Variants in MUC5AC observed in about 807,000 individuals in gnomAD.
MUC5AC encodes mucin 5AC, oligomeric mucus/gel-forming, also known as mucin-5AC.
MUC5AC carries 158 observed loss-of-function variants against 169.7 expected under a neutral mutation model. That is an observed-to-expected ratio of 0.93 (90% CI 0.82 to 1.06). The LOEUF (loss-of-function observed/expected upper bound fraction) is 1.06. MUC5AC is among the 50% of genes least tolerant of loss of function. MUC5AC has a pLI of 0.00. For missense variants in MUC5AC, 4,359 were observed against 3,089.9 expected (o/e 1.41, Z -9.74); for synonymous variants, 1,975 against 1,237.0 (o/e 1.60, Z -12.52).
At chr11:1,164,847 T>A (rs1390674809) in intron 9 of MUC5AC, among the ~76,000 whole-genome samples, 2 of 139,320 alleles carry the variant, frequency 1.4e-5, no homozygotes, top group African/African-American at 5.7e-5. Context: ...TGAGGCTGGC[T>A]GAGGATCCTG....
At chr11:1,162,229 G>A (rs529971293) in intron 4 of MUC5AC, 61 bp downstream of exon 4, 16 of 1,578,298 alleles carry the variant, frequency 1.0e-5, no homozygotes, top group Admixed American at 6.9e-5. Context: ...TTTCCGGGTG[G>A]TTGCGGGGTT....
intron 9 of MUC5AC, among the ~76,000 whole-genome samples, chr11:1,164,846 C>T (rs1450823287): frequency 2.2e-5 from 3 of 135,362 alleles, no homozygotes; most frequent in Admixed American, 7.1e-5. Flanking sequence ...CTGAGGCTGG[C>T]TGAGGATCCT....
chr11:1,182,744 CA>C lies in MUC5AC; in HGVS notation c.4606del (p.Thr1536LeufsTer62). 1 of 398,324 alleles carries C rather than the reference CA, an allele frequency of 2.5e-6. No homozygotes were observed. The highest frequency in any genetic ancestry group is 2.1e-5 in the African/African-American group (1 of 48,674). The allele number at this position is 398,324 out of a possible 1,614,324, so 24.7% of individuals were successfully genotyped here. ...CTGCCCCAGGTACCGCTACCTCTGT[CA>C]AAAAAACTTTCTCAACTCCCAGCCC... ...TPAPGTATSVKKTFSTPSPPP... is the reference protein window; with the variant it reads ...TPAPGTATSVXKTFSTPSPPP... On this transcript the variant is annotated frameshift_variant, in exon 31 of 49. Transcript: ENST00000621226. LOFTEE classifies it high-confidence loss of function.
intron 15 of MUC5AC, 22 bp from the exon 16 acceptor site, chr11:1,172,407 C>G: frequency 2.5e-6 from 1 of 398,682 alleles, no homozygotes; most frequent in Non-Finnish European, 4.4e-6. Flanking sequence ...TAATCCTAAC[C>G]CTATCCCTCC....
At chr11:1,163,086 C>A in intron 6 of MUC5AC, 41 bp downstream of exon 6, 2 of 1,563,404 alleles carry the variant, frequency 1.3e-6, no homozygotes, top group Non-Finnish European at 1.8e-6. Flanking sequence ...CTCAGTGTCC[C>A]CTGGGGGCTC....
At position 1,190,352 on chromosome 11, in the gene MUC5AC, C is replaced by T; in HGVS notation, c.12207C>T (p.Thr4069=). The T allele has an allele frequency of 1.5e-6, 1 of 656,780 alleles. No individual in the cohort carries two copies. Among genetic ancestry groups the T allele is most frequent in the South Asian group, 1.7e-5 (1 of 58,780 alleles). 40.7% of individuals were successfully genotyped at this position (656,780 alleles called of 1,614,324 possible). A position where few individuals can be genotyped will look rare whatever the true frequency, so the allele number is the denominator to read the frequency against. ...VTSTPVTAPS[T]PSGRATSPTQ... is the part of the protein sequence containing the mutation. ...CCACACCTGTGACAGCTCCTAGCAC[C>T]CCTAGTGGGAGAGCCACCAGCCCAA... is the stretch of plus-strand genomic sequence containing the variant. Residue 4069 remains threonine, a synonymous_variant, in exon 31 of 49, where the codon ACC becomes ACT. Coordinates refer to ENST00000621226, the MANE Select transcript of MUC5AC (RefSeq NM_001304359.2).
chr11:1,175,943 GCACA>G (rs1399071116), intron 19 of MUC5AC, among the ~76,000 whole-genome samples: 18 of 121,366 alleles, frequency 1.5e-4, no homozygotes, highest in African/African-American at 3.7e-4. Flanking sequence ...TCATACTCAT[GCACA>G]CACACTCACA....
intron 15 of MUC5AC, 128 bp downstream of exon 15, chr11:1,169,154 G>A: frequency 7.1e-7 from 1 of 1,413,284 alleles, no homozygotes; most frequent in Non-Finnish European, 9.2e-7. Context: ...GCTCACGAAG[G>A]GGCCCAAGGA....
At position 1,161,509 on chromosome 11, in the gene MUC5AC, C is replaced by T; in HGVS notation, c.152-18C>T. ...ACGTGGGGCCGTGCGTGAATCCTAC[C>T]AGCCCCTGTCTCCGCAGGGGTCCCG... On this transcript the variant is annotated intron_variant, in intron 2 of 48. Transcript: ENST00000621226. The T allele has an allele frequency of 6.3e-7, 1 of 1,580,038 alleles. No individual in the cohort carries two copies.
At position 1,184,677 on chromosome 11, in the gene MUC5AC, C is replaced by A; in HGVS notation, c.6532C>A (p.Leu2178Met). The A allele has an allele frequency of 1.5e-6, 1 of 669,894 alleles. No individual in the cohort carries two copies. Among genetic ancestry groups the A allele is most frequent in the Non-Finnish European group, 2.7e-6 (1 of 368,314 alleles). 41.5% of individuals were successfully genotyped at this position (669,894 alleles called of 1,614,324 possible). A position where few individuals can be genotyped will look rare whatever the true frequency, so the allele number is the denominator to read the frequency against. Reference sequence around the variant, plus strand: ...CCACCCAGAGGTGAGCATCGAACACCTGGGCCAGGTGGTGCAGTGCAGCCG... The same window carrying A: ...CCACCCAGAGGTGAGCATCGAACACATGGGCCAGGTGGTGCAGTGCAGCCG... The part of the protein sequence containing the change: ...KSHPEVSIEH[L>M]GQVVQCSREE... The change falls in exon 31 of 49, where the codon CTG becomes ATG. Residue 2178 changes from leucine to methionine, a missense_variant. Leu to Met is a conservative substitution (Grantham distance 15). Coordinates refer to ENST00000621226, the MANE Select transcript of MUC5AC (RefSeq NM_001304359.2).
chr11:1,179,027 C>T (rs1296405304), intron 25 of MUC5AC, 65 bp from the exon 26 acceptor site: 6 of 360,508 alleles, frequency 1.7e-5, no homozygotes, highest in Middle Eastern at 7.8e-4. Flanking sequence ...CAGCATGGGC[C>T]CGGTCCCCAA....
rs779085158 is a variant in MUC5AC, at chr11:1,167,956, G to C, written c.1466G>C (p.Ser489Thr). The change falls in exon 12 of 49, where the codon AGC (serine) becomes ACC (threonine). Residue 489 changes from serine (S) to threonine (T), a missense_variant. Ser to Thr is a moderately conservative substitution (Grantham distance 58). Transcript: ENST00000621226. Reference sequence around the variant, plus strand: ...ACGGACAGCGAGACCTGCCTGAAGAGCGTGACACTGAGCCTGGATGGGGCG... The same window carrying C: ...ACGGACAGCGAGACCTGCCTGAAGACCGTGACACTGAGCCTGGATGGGGCG... ...GLTDSETCLK[S>T]VTLSLDGAQT... 1.9e-6 allele frequency: 3 copies of C among 1,550,732 alleles called. No individual in the cohort carries two copies. In the African/African-American group the frequency reaches 4.1e-5, roughly 21 times the overall value.
rs1466028253 is a variant in MUC5AC, at chr11:1,187,577, T to A, written c.9432T>A (p.Ser3144=). Residue 3144 remains serine, a synonymous_variant, in exon 31 of 49, where the codon TCT becomes TCA. Coordinates refer to ENST00000621226, the MANE Select transcript of MUC5AC (RefSeq NM_001304359.2). ...SPPTTSTTSA[S]TASKTSGPGT... ...CTACAACCAGCACAACTTCTGCCTC[T>A]ACAGCCAGCAAAACCTCTGGTCCTG... 4 of 756,864 alleles carry A rather than the reference T, an allele frequency of 5.3e-6. No homozygotes were observed. In the African/African-American group the frequency reaches 6.8e-5, roughly 13 times the overall value. The allele number at this position is 756,864 out of a possible 1,614,324, so 46.9% of individuals were successfully genotyped here. A position where few individuals can be genotyped will look rare whatever the true frequency, so the allele number is the denominator to read the frequency against.
chr11:1,188,962 A>C lies in MUC5AC; in HGVS notation c.10817A>C (p.Lys3606Thr), dbSNP rs1861018614. Reference sequence around the variant, plus strand: ...AACCAGGACCAGCAGGGACCCTTCAAGATGTGCCTCAACTACGAGGTGCGT... The same window carrying C: ...AACCAGGACCAGCAGGGACCCTTCACGATGTGCCTCAACTACGAGGTGCGT... The part of the protein sequence containing the change: ...CRNQDQQGPF[K>T]MCLNYEVRVL... The change falls in exon 31 of 49, where the codon AAG (lysine) becomes ACG (threonine). Residue 3606 changes from lysine to threonine, a missense_variant. Physicochemically the swap from Lys to Thr is moderately conservative, Grantham distance 78. Coordinates refer to ENST00000621226, the MANE Select transcript of MUC5AC (RefSeq NM_001304359.2). 3 of 708,538 alleles carry C rather than the reference A, an allele frequency of 4.2e-6. No homozygotes were observed. Among genetic ancestry groups the C allele is most frequent in the Non-Finnish European group, 7.7e-6 (3 of 391,050 alleles). The allele number at this position is 708,538 out of a possible 1,614,324, so 43.9% of individuals were successfully genotyped here.
At position 1,188,709 on chromosome 11, in the gene MUC5AC, C is replaced by A. The variant is rs1861013342; in HGVS notation, c.10564C>A (p.Pro3522Thr). 1.3e-6 allele frequency: 1 copy of A among 764,876 alleles called. No homozygotes were observed. Among genetic ancestry groups the A allele is most frequent in the South Asian group, 1.3e-5 (1 of 74,580 alleles). 47.4% of individuals were successfully genotyped at this position (764,876 alleles called of 1,614,324 possible). The part of the protein sequence containing the change: ...HSQPVTRDCH[P>T]RCTWTKWFDV... Reference sequence around the variant, plus strand: ...CCAACCAGTCACCAGAGACTGTCATCCCCGGTGCACCTGGACCAAATGGTT... The same window carrying A: ...CCAACCAGTCACCAGAGACTGTCATACCCGGTGCACCTGGACCAAATGGTT... The change falls in exon 31 of 49, where the codon CCC (proline) becomes ACC (threonine). Residue 3522 changes from proline (P) to threonine (T), a missense_variant. Physicochemically the swap from Pro to Thr is conservative, Grantham distance 38. Coordinates refer to ENST00000621226, the MANE Select transcript of MUC5AC (RefSeq NM_001304359.2).
intron 11 of MUC5AC, among the ~76,000 whole-genome samples, chr11:1,165,979 G>A (rs766242161): frequency 1.3e-5 from 2 of 152,158 alleles, no homozygotes; most frequent in Non-Finnish European, 2.9e-5. Flanking sequence ...ACCCAGCATT[G>A]GGCCTCACCC....
In MUC5AC at chr11:1,176,141, C is replaced by T. The variant is rs900926595; in HGVS notation, c.2402-10C>T. ...TGTGGCTGGCCCCCTGACGGCCCCT[C>T]CCTCCCCAGTGTGTGCTGCGCCCAT... is the stretch of plus-strand genomic sequence containing the variant. On this transcript the variant is annotated splice_polypyrimidine_tract_variant and intron_variant, in intron 19 of 48. Transcript: ENST00000621226. The T allele has an allele frequency of 5.3e-5, 21 of 398,696 alleles. No homozygotes were observed. The highest frequency in any genetic ancestry group is 4.3e-4 in the African/African-American group (21 of 48,760). The allele number at this position is 398,696 out of a possible 1,614,324, so 24.7% of individuals were successfully genotyped here.
Position 1,191,797 on chromosome 11 carries a change from C to G in MUC5AC, c.13652C>G (p.Thr4551Arg), listed in dbSNP as rs759514119. 3 of 762,860 alleles carry G rather than the reference C, an allele frequency of 3.9e-6. No individual in the cohort carries two copies. Among genetic ancestry groups the G allele is most frequent in the Non-Finnish European group, 7.2e-6 (3 of 416,710 alleles). The allele number at this position is 762,860 out of a possible 1,614,324, so 47.3% of individuals were successfully genotyped here. ...PGTSLSPVPT[T>R]STTSAPTTST... ...ACTTCTCTCAGCCCTGTTCCCACCA[C>G]GAGCACAACCTCTGCTCCTACAACT... The change falls in exon 31 of 49, where the codon ACG becomes AGG. Residue 4551 changes from threonine (T) to arginine (R), a missense_variant. Physicochemically the swap from Thr to Arg is moderately conservative, Grantham distance 71. Coordinates refer to ENST00000621226, the MANE Select transcript of MUC5AC (RefSeq NM_001304359.2).
chr11:1,188,543 A>C lies in MUC5AC; in HGVS notation c.10398A>C (p.Pro3466=). The change falls in exon 31 of 49, where the codon CCA becomes CCC. Residue 3466 remains proline, a synonymous_variant. Coordinates refer to ENST00000621226, the MANE Select transcript of MUC5AC (RefSeq NM_001304359.2). ...CTACAAGCAGCACAACCTCCACTCC[A>C]CAGACCAGCAAAACCTCAGCTGCTA... ...SAPTSSTTST[P]QTSKTSAATS... is the part of the protein sequence containing the mutation. The C allele has an allele frequency of 1.3e-6, 1 of 751,038 alleles. No homozygotes were observed. The highest frequency in any genetic ancestry group is 1.4e-5 in the South Asian group (1 of 72,680). 46.5% of individuals were successfully genotyped at this position (751,038 alleles called of 1,614,324 possible).
Sources: allele counts gnomAD v4.1 joint callset (sites outside exome capture counted in the v4.1 genomes callset), GRCh38; gene constraint gnomAD v4.1.1; transcripts MANE v1.5; gene names NCBI Gene and HGNC (gene_info 2026-07-23, HGNC 2026-07-21).